The following ARAP2 variants were observed in gnomAD, a reference collection of about 807,000 sequenced individuals.
The protein encoded by ARAP2 is arf-GAP with Rho-GAP domain, ANK repeat and PH domain-containing protein 2.
ARAP2 carries 148 observed loss-of-function variants against 194.5 expected under a neutral mutation model. That is an observed-to-expected ratio of 0.76 (90% CI 0.67 to 0.87). The LOEUF (loss-of-function observed/expected upper bound fraction) is 0.87. Ranked by LOEUF, ARAP2 falls within the 40% of genes least tolerant of loss-of-function variation. ARAP2 has a pLI of 0.00. For synonymous variants in ARAP2, 695 were observed against 683.5 expected (o/e 1.02, Z -0.26); for missense variants, 2,128 against 1,989.7 (o/e 1.07, Z -1.32).
intron 6 of ARAP2, among the ~76,000 whole-genome samples, chr4:36,017,960 C>A (rs1309791943): frequency 6.6e-6 from 1 of 152,018 alleles, no homozygotes; most frequent in Non-Finnish European, 1.5e-5. Context: ...TATTTGAATT[C>A]TTCTATTATA....
Position 36,228,910 on chromosome 4 carries a change from C to T in ARAP2, c.577G>A (p.Glu193Lys). 6.2e-7 allele frequency: 1 copy of T among 1,613,910 alleles called. No homozygotes were observed. The highest frequency in any genetic ancestry group is 2.2e-5 in the East Asian group (1 of 44,870). ...TKKTVDHTVE[E>K]QQTEKVKLIT... ...AATTTAACTTTTTCTGTTTGTTGTTCTTCAACTGTGTGATCCACAGTCTTC... is the reference window on the plus strand; with the variant it reads ...AATTTAACTTTTTCTGTTTGTTGTTTTTCAACTGTGTGATCCACAGTCTTC... Residue 193 changes from glutamate to lysine, a missense_variant, in exon 2 of 33, where the codon GAA (glutamate) becomes AAA (lysine). Glu to Lys is a moderately conservative substitution (Grantham distance 56). Coordinates refer to ENST00000303965, the MANE Select transcript of ARAP2 (RefSeq NM_015230.4).
At chr4:36,036,163 C>T (rs1021765545) in intron 5 of ARAP2, among the ~76,000 whole-genome samples, 3 of 151,872 alleles carry the variant, frequency 2.0e-5, no homozygotes, top group Admixed American at 1.3e-4. Flanking sequence ...TCAATACACA[C>T]CACACACACA....
downstream of ARAP2, among the ~76,000 whole-genome samples, chr4:36,063,638 G>A (rs919813003): frequency 1.2e-4 from 19 of 152,158 alleles, no homozygotes; most frequent in East Asian, 1.9e-3. Context: ...AATTTGTACC[G>A]ACTTAAAATG....
chr4:36,183,984 CCT>C (rs1182380923), intron 8 of ARAP2, among the ~76,000 whole-genome samples: 1 of 152,088 alleles, frequency 6.6e-6, no homozygotes, highest in Non-Finnish European at 1.5e-5. Context: ...AAAACTTTCC[CCT>C]TTTTGTTCTA....
chr4:36,240,339 T>C (rs1753278086), intron 1 of ARAP2, among the ~76,000 whole-genome samples: 1 of 152,224 alleles, frequency 6.6e-6, no homozygotes, highest in Admixed American at 6.5e-5. Context: ...CTGTAAATCA[T>C]TCTTCTAATA....
At chr4:36,240,172 CTGACA>C (rs1242661171) in intron 1 of ARAP2, among the ~76,000 whole-genome samples, 1 of 151,998 alleles carries the variant, frequency 6.6e-6, no homozygotes, top group South Asian at 2.1e-4. Context: ...ATAAGAATAC[CTGACA>C]TGAGTTACAA....
At chr4:36,050,286 A>C (rs1722451496) in intron 3 of ARAP2, among the ~76,000 whole-genome samples, 1 of 152,230 alleles carries the variant, frequency 6.6e-6, no homozygotes, top group Non-Finnish European at 1.5e-5. Flanking sequence ...CCAGAAAGTC[A>C]AAACCATATC....
intron 1 of ARAP2, among the ~76,000 whole-genome samples, chr4:36,232,334 A>C (rs144627505): frequency 6.6e-6 from 1 of 152,314 alleles, no homozygotes; most frequent in East Asian, 1.9e-4. Flanking sequence ...TGAACTATCA[A>C]ACACACAAAT....
At chr4:36,198,531 G>C (rs1223010553) in intron 6 of ARAP2, among the ~76,000 whole-genome samples, 1 of 152,238 alleles carries the variant, frequency 6.6e-6, no homozygotes, top group East Asian at 1.9e-4. Context: ...GGTGTCTGCA[G>C]GCCAGTGCTG....
At chr4:36,194,193 T>C (rs924855203) in intron 6 of ARAP2, among the ~76,000 whole-genome samples, 1 of 152,190 alleles carries the variant, frequency 6.6e-6, no homozygotes, top group Admixed American at 6.5e-5. Flanking sequence ...ATTAGTATAT[T>C]TTTTAAATGA....
At chr4:36,116,282 G>A (rs1168213586) in intron 25 of ARAP2, among the ~76,000 whole-genome samples, 1 of 149,968 alleles carries the variant, frequency 6.7e-6, no homozygotes, top group African/African-American at 2.5e-5. Flanking sequence ...TATATCTAAT[G>A]TTGTGACTGT....
At chr4:36,094,820 T>C (rs1467187108) in intron 27 of ARAP2, among the ~76,000 whole-genome samples, 4 of 152,118 alleles carry the variant, frequency 2.6e-5, no homozygotes, top group Admixed American at 2.6e-4. Context: ...TAATCACAAT[T>C]AATATAATTT....
At chr4:36,010,231 T>C (rs1212600780) in intron 9 of ARAP2, among the ~76,000 whole-genome samples, 1 of 151,350 alleles carries the variant, frequency 6.6e-6, no homozygotes, top group Non-Finnish European at 1.5e-5. Flanking sequence ...ATATGATATA[T>C]AACTGATATA....
At chr4:36,026,421 G>A (rs1209615554) in intron 5 of ARAP2, among the ~76,000 whole-genome samples, 1 of 152,154 alleles carries the variant, frequency 6.6e-6, no homozygotes. Context: ...TGCTGTGCTG[G>A]TTTTTTGTAG....
intron 15 of ARAP2, among the ~76,000 whole-genome samples, chr4:36,156,804 A>G (rs1230603289): frequency 6.6e-6 from 1 of 152,250 alleles, no homozygotes; most frequent in Non-Finnish European, 1.5e-5. Flanking sequence ...ATTGAATTAT[A>G]CAGACAAAAT....
intron 2 of ARAP2, among the ~76,000 whole-genome samples, chr4:36,226,583 C>G (rs555042287): frequency 2.0e-5 from 3 of 152,122 alleles, no homozygotes; most frequent in African/African-American, 7.2e-5. Context: ...AAGCGTTTCA[C>G]TCTAACTACT....
Position 36,014,224 on chromosome 4 carries a change from C to CGGAAGAAAGAAAGGAAGAAAGAAA in ARAP2, n.1056+1161_1056+1162insTTTCTTTCTTCCTTTCTTTCTTCC, listed in dbSNP as rs1392259044. ...CCTAGGTGACAAAGTGAGACCCTATCGAAAGAAAGAAAGAAAGAAAGAAAG... is the reference window on the plus strand; with the variant it reads ...CCTAGGTGACAAAGTGAGACCCTATCGGAAGAAAGAAAGGAAGAAAGAAAGAAAGAAAGAAAGAAAGAAAGAAAG... On this transcript the variant is annotated intron_variant and non_coding_transcript_variant, in intron 8 of 12. Coordinates refer to the ARAP2 transcript ENST00000503225. Among the ~76,000 whole-genome samples, 476 of 61,704 alleles carry CGGAAGAAAGAAAGGAAGAAAGAAA rather than the reference C, an allele frequency of 7.7e-3. 49 individuals are homozygous for CGGAAGAAAGAAAGGAAGAAAGAAA. The highest frequency in any genetic ancestry group is 0.027 in the African/African-American group (449 of 16,428). 40.5% of individuals were successfully genotyped at this position (61,704 alleles called of 152,430 possible). A position where few individuals can be genotyped will look rare whatever the true frequency, so the allele number is the denominator to read the frequency against.
chr4:36,120,945 T>C (rs185869780), intron 23 of ARAP2, among the ~76,000 whole-genome samples: 113 of 151,740 alleles, frequency 7.4e-4, no homozygotes, highest in African/African-American at 2.7e-3. Context: ...AATAGAAATA[T>C]TCTGTCAAAC....
chr4:36,033,111 TGTAAATA>T (rs1460308408), intron 5 of ARAP2, among the ~76,000 whole-genome samples: 1 of 152,230 alleles, frequency 6.6e-6, no homozygotes, highest in Non-Finnish European at 1.5e-5. Flanking sequence ...TCTTTGCTGT[TGTAAATA>T]GTGTTTCCAT....
Sources: gnomAD v4.1 joint callset for allele counts (sites outside exome capture counted in the v4.1 genomes callset) on GRCh38, gnomAD v4.1.1 for gene constraint, MANE v1.5 for transcripts, NCBI Gene and HGNC (gene_info 2026-07-23, HGNC 2026-07-21) for gene names.